The following TTC27 variants were observed in gnomAD, a reference collection of about 807,000 sequenced individuals.
TTC27 encodes tetratricopeptide repeat domain 27, also known as tetratricopeptide repeat protein 27.
Under a neutral mutation model 115.9 loss-of-function variants are expected in TTC27, and 79 were observed. That is an observed-to-expected ratio of 0.68 (90% CI 0.57 to 0.82). The LOEUF (loss-of-function observed/expected upper bound fraction) is 0.82. Ranked by LOEUF, TTC27 falls within the 40% of genes least tolerant of loss-of-function variation. TTC27 has a pLI of 0.00. For synonymous variants in TTC27, 401 were observed against 356.0 expected (o/e 1.13, Z -1.42); for missense variants, 1,054 against 993.1 (o/e 1.06, Z -0.82).
At chr2:32,725,881 T>C (rs1668092117) in intron 10 of TTC27, among the ~76,000 whole-genome samples, 2 of 152,206 alleles carry the variant, frequency 1.3e-5, no homozygotes, top group Admixed American at 6.5e-5. Flanking sequence ...AGGCAGAGGT[T>C]CTCAAACCTG....
intron 16 of TTC27, among the ~76,000 whole-genome samples, chr2:32,792,441 G>T (rs1229915973): frequency 6.6e-6 from 1 of 152,108 alleles, no homozygotes; most frequent in Admixed American, 6.5e-5. Context: ...GACATCTGGC[G>T]TATTTAACCT....
In TTC27 at chr2:32,633,972, T is replaced by C. The variant is rs777734642; in HGVS notation, c.363T>C (p.Phe121=). ...GPPVDLHPQD[F]LSSVLFQQFS... Reference sequence around the variant, plus strand: ...CTGTTGACTTACACCCTCAGGACTTTTTGTCATCTGTTTTGTTCCAGCAAT... The same window carrying C: ...CTGTTGACTTACACCCTCAGGACTTCTTGTCATCTGTTTTGTTCCAGCAAT... The change falls in exon 3 of 20, where the codon TTT becomes TTC. Residue 121 remains phenylalanine (F), a synonymous_variant. Transcript: ENST00000317907. 1 of 1,613,792 alleles carries C rather than the reference T, an allele frequency of 6.2e-7. No individual in the cohort carries two copies. The highest frequency in any genetic ancestry group is 2.2e-5 in the East Asian group (1 of 44,882).
intron 13 of TTC27, among the ~76,000 whole-genome samples, chr2:32,761,625 C>G (rs1173354629): frequency 1.3e-5 from 2 of 152,112 alleles, no homozygotes; most frequent in African/African-American, 2.4e-5. Flanking sequence ...TCCTCTTGCT[C>G]TTTCTCTGCC....
intron 10 of TTC27, 28 bp from the exon 11 acceptor site, chr2:32,733,800 A>G (rs778044427): frequency 1.4e-6 from 2 of 1,418,234 alleles, no homozygotes; most frequent in East Asian, 4.6e-5. Context: ...ATACATATAG[A>G]TTCTGATTGT....
intron 9 of TTC27, among the ~76,000 whole-genome samples, chr2:32,692,406 C>T (rs942571318): frequency 3.5e-4 from 53 of 151,738 alleles, no homozygotes; most frequent in African/African-American, 1.2e-3. Flanking sequence ...AACGGGTTGC[C>T]GGGGGCTGGG....
At position 32,741,268 on chromosome 2, in the gene TTC27, A is replaced by G. The variant is rs114064470; in HGVS notation, c.1452+4452A>G. 9.5e-3 allele frequency among the ~76,000 whole-genome samples: 1,450 copies of G among 152,210 alleles called. 12 individuals carry two copies. The highest frequency in any genetic ancestry group is 0.024 in the Middle Eastern group (7 of 294). On this transcript the variant is annotated intron_variant, in intron 12 of 19. Coordinates refer to ENST00000317907, the MANE Select transcript of TTC27 (RefSeq NM_017735.5). ...TGGTACCATCCACCTGTGTACTCCT[A>G]TGGCACCCAAACTACTCTGGTACCC...
At chr2:32,683,941 G>T (rs1452730997) in intron 9 of TTC27, among the ~76,000 whole-genome samples, 1 of 152,062 alleles carries the variant, frequency 6.6e-6, no homozygotes, top group African/African-American at 2.4e-5. Flanking sequence ...AGATCACAAG[G>T]TCAGTAGTTT....
chr2:32,753,506 C>A (rs1205756073), intron 12 of TTC27, among the ~76,000 whole-genome samples: 4 of 126,086 alleles, frequency 3.2e-5, no homozygotes, highest in African/African-American at 1.2e-4. Context: ...GGCTTGATCA[C>A]AGGTCACTGC....
chr2:32,709,649 C>T (rs1196039881), intron 10 of TTC27, among the ~76,000 whole-genome samples: 3 of 151,910 alleles, frequency 2.0e-5, no homozygotes, highest in African/African-American at 7.3e-5. Context: ...TGGACCTGTC[C>T]TCTGCCTTCT....
chr2:32,767,443 GTTTTTTTTTGTTTTT>G, intron 13 of TTC27, among the ~76,000 whole-genome samples: 1 of 112,232 alleles, frequency 8.9e-6, no homozygotes, highest in Non-Finnish European at 1.9e-5. Flanking sequence ...ATATTTATAA[GTTTTTTTTTGTTTTT>G]TTTTTTTTTT....
chr2:32,680,200 G>A (rs1666369892), intron 9 of TTC27, among the ~76,000 whole-genome samples: 1 of 152,058 alleles, frequency 6.6e-6, no homozygotes, highest in South Asian at 2.1e-4. Flanking sequence ...TTAGGTAACT[G>A]TGGAAATGTT....
chr2:32,815,773 A>G (rs1438431759), intron 18 of TTC27, among the ~76,000 whole-genome samples: 1 of 152,222 alleles, frequency 6.6e-6, no homozygotes, highest in Non-Finnish European at 1.5e-5. Flanking sequence ...TAAGAGAAAC[A>G]GATTAATAAT....
At chr2:32,635,545 G>T (rs1029797502) in intron 3 of TTC27, among the ~76,000 whole-genome samples, 3 of 152,096 alleles carry the variant, frequency 2.0e-5, no homozygotes, top group African/African-American at 7.2e-5. Context: ...TTAGCCGGGT[G>T]TGGTGGTGCA....
intron 4 of TTC27, among the ~76,000 whole-genome samples, chr2:32,648,462 C>T (rs1664954068): frequency 8.8e-6 from 1 of 113,560 alleles, no homozygotes; most frequent in South Asian, 3.2e-4. Context: ...TTTTTTAAAA[C>T]AGACTTAGTC....
At chr2:32,676,767 G>A (rs1241379756) in intron 8 of TTC27, among the ~76,000 whole-genome samples, 9 of 151,834 alleles carry the variant, frequency 5.9e-5, no homozygotes, top group Admixed American at 1.3e-4. Context: ...GGCATTATAC[G>A]CATTAGCCAC....
At chr2:32,670,700 C>T (rs1266587250) in intron 7 of TTC27, among the ~76,000 whole-genome samples, 3 of 152,102 alleles carry the variant, frequency 2.0e-5, no homozygotes. Context: ...TTACTGCAAC[C>T]TCCACCTCCC....
intron 16 of TTC27, among the ~76,000 whole-genome samples, chr2:32,793,945 A>G (rs538558748): frequency 2.0e-5 from 3 of 152,140 alleles, no homozygotes; most frequent in East Asian, 1.9e-4. Context: ...GTAGCTCCAT[A>G]TTTTGCTTTC....
intron 10 of TTC27, among the ~76,000 whole-genome samples, chr2:32,708,144 T>C (rs1292256826): frequency 6.6e-6 from 1 of 151,990 alleles, no homozygotes; most frequent in African/African-American, 2.4e-5. Context: ...CTGCCATCCA[T>C]GAGACAGCAA....
chr2:32,632,468 C>T (rs1003598639), intron 2 of TTC27, among the ~76,000 whole-genome samples: 2 of 152,178 alleles, frequency 1.3e-5, no homozygotes, highest in African/African-American at 4.8e-5. Flanking sequence ...GACTCATTTT[C>T]AGACATTTGA....
Sources: allele counts gnomAD v4.1 joint callset (sites outside exome capture counted in the v4.1 genomes callset), GRCh38; gene constraint gnomAD v4.1.1; transcripts MANE v1.5; gene names NCBI Gene and HGNC (gene_info 2026-07-23, HGNC 2026-07-21).